NTAQ1: variants seen among roughly 807,000 people sequenced by gnomAD.
NTAQ1 encodes N-terminal glutamine amidase 1.
NTAQ1 carries 21 observed loss-of-function variants against 28.2 expected under a neutral mutation model. The observed-to-expected ratio is 0.74, with a 90% CI of 0.53 to 1.07. NTAQ1 has a LOEUF of 1.07. Ranked by LOEUF, NTAQ1 falls within the 50% of genes least tolerant of loss-of-function variation. NTAQ1 has a pLI of 0.00. For missense variants in NTAQ1, 264 were observed against 256.6 expected (o/e 1.03, Z -0.20); for synonymous variants, 105 against 90.0 (o/e 1.17, Z -0.94).
chr8:123,472,170 A>C (rs1431478000), downstream of NTAQ1, among the ~76,000 whole-genome samples: 1 of 152,150 alleles, frequency 6.6e-6, no homozygotes, highest in Non-Finnish European at 1.5e-5. Context: ...ACAGAAAGGA[A>C]GGAAGTATGC....
exon 7 of NTAQ1, among the ~76,000 whole-genome samples, chr8:123,469,053 T>G (rs763279190): frequency 3.3e-5 from 5 of 152,164 alleles, no homozygotes; most frequent in Non-Finnish European, 5.9e-5. Flanking sequence ...ACTTTGCCCG[T>G]TTTTTAATTG....
At chr8:123,445,985 T>G (rs1815265382), downstream of NTAQ1, among the ~76,000 whole-genome samples, 1 of 140,396 alleles carries the variant, frequency 7.1e-6, no homozygotes, top group Admixed American at 7.4e-5. Flanking sequence ...CTTTTTCCTT[T>G]TTCCTTTCCT....
At chr8:123,436,410 A>G (rs746110716) in intron 3 of NTAQ1, 43 bp from the exon 4 acceptor site, 10 of 1,596,966 alleles carry the variant, frequency 6.3e-6, no homozygotes, top group Non-Finnish European at 6.9e-6. Flanking sequence ...GGATTTCATC[A>G]TTATGAAGTA....
exon 7 of NTAQ1, among the ~76,000 whole-genome samples, chr8:123,468,900 T>C (rs568126871): frequency 1.3e-5 from 2 of 152,368 alleles, no homozygotes; most frequent in East Asian, 1.9e-4. Context: ...TTCTTTCTTT[T>C]CATAGTGGGC....
rs558493762 is a variant in NTAQ1, at chr8:123,461,452, A to G, written c.373-5627A>G. 1.9e-3 allele frequency among the ~76,000 whole-genome samples: 296 copies of G among 151,870 alleles called. 1 individual carries two copies. Among genetic ancestry groups the G allele is most frequent in the Non-Finnish European group, 2.8e-3 (191 of 67,966 alleles). ...CTCAACCCAATGCAGTTTCCAGATG[A>G]TAATATCTACACCCCGAGAGGTTAT... On this transcript the variant is annotated intron_variant, in intron 6 of 6. Coordinates refer to the NTAQ1 transcript ENST00000650311.
intron 6 of NTAQ1, among the ~76,000 whole-genome samples, chr8:123,457,758 G>A (rs753260850): frequency 4.6e-5 from 7 of 152,074 alleles, no homozygotes; most frequent in Non-Finnish European, 8.8e-5. Flanking sequence ...AATTGACTGG[G>A]CGCAGTGGCT....
downstream of NTAQ1, among the ~76,000 whole-genome samples, chr8:123,444,885 G>C (rs1032923834): frequency 5.9e-5 from 9 of 152,114 alleles, no homozygotes; most frequent in African/African-American, 2.2e-4. Context: ...CCAAGGAGTT[G>C]GGAAGCAAAT....
At chr8:123,463,486 T>C (rs1046521296) in intron 6 of NTAQ1, among the ~76,000 whole-genome samples, 4 of 152,250 alleles carry the variant, frequency 2.6e-5, no homozygotes, top group Non-Finnish European at 4.4e-5. Flanking sequence ...AAGTTTCTCT[T>C]TGATTGATAT....
chr8:123,444,276 T>G (rs996478674), downstream of NTAQ1, among the ~76,000 whole-genome samples: 4 of 152,206 alleles, frequency 2.6e-5, no homozygotes. Flanking sequence ...CTTGGCTCAC[T>G]GCAACTTCCA....
At chr8:123,458,033 CAAAAA>C (rs201846882) in intron 6 of NTAQ1, among the ~76,000 whole-genome samples, 37 of 85,392 alleles carry the variant, frequency 4.3e-4, no homozygotes, top group Non-Finnish European at 5.0e-4. Flanking sequence ...GACTCTGTCT[CAAAAA>C]AAAAAAAAAA....
intron 3 of NTAQ1, among the ~76,000 whole-genome samples, chr8:123,431,392 T>G (rs564545159): frequency 6.8e-6 from 1 of 148,038 alleles, no homozygotes; most frequent in Admixed American, 6.7e-5. Flanking sequence ...GAAAGCAAAG[T>G]AAAAGGAAAA....
intron 6 of NTAQ1, among the ~76,000 whole-genome samples, chr8:123,458,061 TAA>T (rs57057942): frequency 8.9e-5 from 10 of 112,078 alleles, no homozygotes; most frequent in African/African-American, 1.0e-4. Flanking sequence ...AGATTTAAAA[TAA>T]AAAAAAAAAA....
intron 4 of NTAQ1, among the ~76,000 whole-genome samples, chr8:123,436,956 A>G (rs1272321340): frequency 6.6e-6 from 1 of 152,136 alleles, no homozygotes; most frequent in African/African-American, 2.4e-5. Context: ...AATCATGCCC[A>G]TTGCCCTTGA....
At chr8:123,438,003 G>A in intron 5 of NTAQ1, 1 of 584,954 alleles carries the variant, frequency 1.7e-6, no homozygotes, top group Middle Eastern at 2.9e-4. Flanking sequence ...TTGTGCTGTG[G>A]TGAAAGAAAT....
At chr8:123,431,333 A>G (rs1346442764) in intron 3 of NTAQ1, among the ~76,000 whole-genome samples, 1 of 52,748 alleles carries the variant, frequency 1.9e-5, no homozygotes, top group African/African-American at 6.5e-5. Flanking sequence ...ATGAAACTCC[A>G]TATCAAAAAA....
At chr8:123,429,241 G>C (rs374291279) in intron 2 of NTAQ1, among the ~76,000 whole-genome samples, 1 of 152,130 alleles carries the variant, frequency 6.6e-6, no homozygotes, top group African/African-American at 2.4e-5. Flanking sequence ...CTGATTCCTA[G>C]TTCAGATCCC....
intron 5 of NTAQ1, among the ~76,000 whole-genome samples, chr8:123,437,725 CAAAA>C (rs1814812766): frequency 6.8e-6 from 1 of 147,106 alleles, no homozygotes; most frequent in South Asian, 2.2e-4. Context: ...AAACAAAAAA[CAAAA>C]AACAAAAAAT....
At position 123,435,448 on chromosome 8, in the gene NTAQ1, C is replaced by G. The variant is rs1052343150; in HGVS notation, c.235-1005C>G. 15 of 985,242 alleles carry G rather than the reference C, an allele frequency of 1.5e-5. No homozygotes were observed. In the African/African-American group the frequency reaches 2.6e-4, roughly 17 times the overall value. 61.0% of individuals were successfully genotyped at this position (985,242 alleles called of 1,614,324 possible). On this transcript the variant is annotated intron_variant, in intron 3 of 5. Transcript: ENST00000287387. Reference sequence around the variant, plus strand: ...TCCTCCTTCTCCTCTCCAGGCTGACCCCCAGAAGCCTCCTTTGTTACTAGT... The same window carrying G: ...TCCTCCTTCTCCTCTCCAGGCTGACGCCCAGAAGCCTCCTTTGTTACTAGT...
At chr8:123,463,257 A>T (rs1048572944) in intron 6 of NTAQ1, among the ~76,000 whole-genome samples, 2 of 152,362 alleles carry the variant, frequency 1.3e-5, no homozygotes, top group South Asian at 4.1e-4. Context: ...GAAACTTAAC[A>T]TTGATGCAAC....
Sources: allele counts gnomAD v4.1 joint callset (sites outside exome capture counted in the v4.1 genomes callset), GRCh38; gene constraint gnomAD v4.1.1; transcripts MANE v1.5; gene names NCBI Gene and HGNC (gene_info 2026-07-23, HGNC 2026-07-21).